The following TENT4A variants were observed in gnomAD, a reference collection of about 807,000 sequenced individuals.
The protein encoded by TENT4A is terminal nucleotidyltransferase 4A, also known as DNA polymerase kappa.
TENT4A carries 7 observed loss-of-function variants against 72.8 expected under a neutral mutation model. The observed-to-expected ratio is 0.10, with a 90% CI of 0.05 to 0.18. TENT4A has a LOEUF of 0.18. Among genes scored for constraint, TENT4A ranks in the 10% least tolerant of loss-of-function variants. The pLI is 1.00. For missense variants in TENT4A, 831 were observed against 1,017.7 expected, an observed-to-expected ratio of 0.82 and a Z score of 2.50; for synonymous variants, 456 against 434.3, an observed-to-expected ratio of 1.05 and a Z score of -0.62.
chr5:6,725,163 T>G (rs1450771251), intron 1 of TENT4A, among the ~76,000 whole-genome samples: 3 of 151,892 alleles, frequency 2.0e-5, no homozygotes, highest in African/African-American at 7.3e-5. Context: ...CTACTAAAAA[T>G]ACAAAAAATT....
chr5:6,747,057 T>A (rs548475575), intron 7 of TENT4A, among the ~76,000 whole-genome samples: 2 of 152,376 alleles, frequency 1.3e-5, no homozygotes, highest in East Asian at 3.9e-4. Context: ...GCCAATCTGA[T>A]AAAACCATGT....
In TENT4A at chr5:6,738,610, T is replaced by C. The variant is rs150808860; in HGVS notation, c.841-73T>C. The C allele has an allele frequency of 7.2e-5, 81 of 1,121,690 alleles. 1 individual carries two copies. In the East Asian group the frequency reaches 1.7e-3, roughly 24 times the overall value. The allele number at this position is 1,121,690 out of a possible 1,614,324, so 69.5% of individuals were successfully genotyped here. ...CCAAGGGTATAGTGAGGGCTTTCTT[T>C]TAGTAAGAAATAATGGTAGTGTGAC... is the stretch of plus-strand genomic sequence containing the variant. On this transcript the variant is annotated intron_variant, in intron 2 of 12. Transcript: ENST00000230859.
intron 7 of TENT4A, among the ~76,000 whole-genome samples, chr5:6,747,602 C>T (rs1412243878): frequency 1.3e-5 from 2 of 152,118 alleles, no homozygotes; most frequent in African/African-American, 4.8e-5. Context: ...CACGGTATGG[C>T]AGTGTATCAT....
intron 1 of TENT4A, among the ~76,000 whole-genome samples, chr5:6,726,495 CTCTG>C (rs1372190841): frequency 6.6e-6 from 1 of 152,140 alleles, no homozygotes; most frequent in Admixed American, 6.5e-5. Flanking sequence ...CTACAGTGTC[CTCTG>C]TCTGTGACTT....
At chr5:6,734,869 C>T (rs1318330258) in intron 1 of TENT4A, among the ~76,000 whole-genome samples, 2 of 152,214 alleles carry the variant, frequency 1.3e-5, no homozygotes, top group African/African-American at 4.8e-5. Flanking sequence ...AGACATTTGA[C>T]AAAAACGGAT....
At position 6,737,611 on chromosome 5, in the gene TENT4A, A is replaced by G. The variant is rs760201324; in HGVS notation, c.818A>G (p.Lys273Arg). ...GTGAAACGGATCGAAACTGTGGTGA[A>G]AGACCTTTGGCCGACGGCTGATGTG... ...EVVKRIETVVKDLWPTADVQI... is the reference protein window; with the variant it reads ...EVVKRIETVVRDLWPTADVQI... The change falls in exon 2 of 13, where the codon AAA becomes AGA. Residue 273 changes from lysine (K) to arginine (R), a missense_variant. Around this residue, in one of 3 missense-constraint regions of TENT4A, gnomAD observed 197 missense variants for 399.6 expected, o/e 0.49. Coordinates refer to ENST00000230859, the MANE Select transcript of TENT4A (RefSeq NM_006999.6). The G allele has an allele frequency of 5.6e-6, 9 of 1,614,032 alleles. No homozygotes were observed. The highest frequency in any genetic ancestry group is 1.3e-5 in the African/African-American group (1 of 74,942).
At chr5:6,718,443 C>G (rs1175024827) in intron 1 of TENT4A, among the ~76,000 whole-genome samples, 1 of 152,198 alleles carries the variant, frequency 6.6e-6, no homozygotes, top group Non-Finnish European at 1.5e-5. Context: ...AGGGGCCTTT[C>G]CCTCCCATAC....
chr5:6,752,231 G>A lies in TENT4A; in HGVS notation c.2020-642G>A, dbSNP rs1277784725. 2.6e-5 allele frequency among the ~76,000 whole-genome samples: 4 copies of A among 152,200 alleles called. 1 individual carries two copies. Among genetic ancestry groups the A allele is most frequent in the African/African-American group, 4.8e-5 (2 of 41,440 alleles). On this transcript the variant is annotated intron_variant, in intron 11 of 12. Transcript: ENST00000230859. ...GCTGAGCTACAGAGCCACACTCTGCGGCTGCTTGTGTGGTTCGAGTGTGAA... is the reference window on the plus strand; with the variant it reads ...GCTGAGCTACAGAGCCACACTCTGCAGCTGCTTGTGTGGTTCGAGTGTGAA...
Position 6,735,756 on chromosome 5 carries a change from TTA to T in TENT4A, c.717-1753_717-1752del, listed in dbSNP as rs1491256476. ...ACCATGCTTGGGGTGAGGTTTTTTC[TTA>T]CTTTTTTTTTTTTTTTTGGTGAGAC... On this transcript the variant is annotated intron_variant, in intron 1 of 12. Coordinates refer to ENST00000230859, the MANE Select transcript of TENT4A (RefSeq NM_006999.6). Among the ~76,000 whole-genome samples, 6 of 148,832 alleles carry T rather than the reference TTA, an allele frequency of 4.0e-5. 1 individual carries two copies. The East Asian group carries it at 1.2e-3, about 29-fold the overall frequency.
chr5:6,714,887 G>A (rs1195789093), intron 1 of TENT4A, 188 bp downstream of exon 1: 3 of 286,366 alleles, frequency 1.0e-5, no homozygotes, highest in Non-Finnish European at 1.9e-5. Context: ...GGAGTGACTT[G>A]CCCAGATCCT....
In TENT4A at chr5:6,746,436, G is replaced by C. The variant is rs375971367; in HGVS notation, c.1459+9G>C. 6.2e-7 allele frequency: 1 copy of C among 1,613,492 alleles called. No individual in the cohort carries two copies. The highest frequency in any genetic ancestry group is 8.5e-7 in the Non-Finnish European group (1 of 1,179,614). Reference sequence around the variant, plus strand: ...GGACCCCCTGCTGCCAGGTAAGGGCGCCCTGATCTCCACTGCTGAGAGCTG... The same window carrying C: ...GGACCCCCTGCTGCCAGGTAAGGGCCCCCTGATCTCCACTGCTGAGAGCTG... On this transcript the variant is annotated intron_variant, in intron 7 of 12. Transcript: ENST00000230859.
In TENT4A at chr5:6,750,313, G is replaced by C; in HGVS notation, c.1688-18G>C. 6.3e-7 allele frequency: 1 copy of C among 1,598,338 alleles called. No individual in the cohort carries two copies. The highest frequency in any genetic ancestry group is 1.1e-5 in the South Asian group (1 of 88,882). On this transcript the variant is annotated intron_variant, in intron 9 of 12. Transcript: ENST00000230859. ...GCAGTTCTCAGGAGTTATTAACCAA[G>C]GCTTTTTCCCTCCACAGACAGCAGG...
intron 1 of TENT4A, among the ~76,000 whole-genome samples, chr5:6,735,557 AC>A (rs2126629042): frequency 6.6e-6 from 1 of 152,288 alleles, no homozygotes; most frequent in Admixed American, 6.5e-5. Context: ...TTTAGGTAAC[AC>A]CTCAGACTTT....
chr5:6,728,515 T>C (rs983111810), intron 1 of TENT4A, among the ~76,000 whole-genome samples: 2 of 152,194 alleles, frequency 1.3e-5, no homozygotes, highest in Non-Finnish European at 2.9e-5. Flanking sequence ...GGCCTTGCCT[T>C]TGGCAGGGCA....
chr5:6,737,805 C>T (rs954933988), intron 2 of TENT4A, among the ~76,000 whole-genome samples, 172 bp downstream of exon 2: 4 of 152,318 alleles, frequency 2.6e-5, no homozygotes, highest in East Asian at 1.9e-4. Context: ...GCATGGCCCC[C>T]GGCGCACCTG....
At chr5:6,749,779 A>G (rs1742296780) in intron 9 of TENT4A, 122 bp downstream of exon 9, 2 of 675,644 alleles carry the variant, frequency 3.0e-6, no homozygotes, top group African/African-American at 1.8e-5. Context: ...TCTGATGAGC[A>G]TTAATTAAGA....
intron 1 of TENT4A, among the ~76,000 whole-genome samples, chr5:6,724,960 G>A (rs193295318): frequency 2.4e-4 from 36 of 152,318 alleles, no homozygotes; most frequent in African/African-American, 8.2e-4. Context: ...GTCTCACTCC[G>A]TAGCCTGTCT....
At chr5:6,744,756 C>G (rs191760782) in intron 6 of TENT4A, among the ~76,000 whole-genome samples, 1 of 152,222 alleles carries the variant, frequency 6.6e-6, no homozygotes, top group African/African-American at 2.4e-5. Context: ...TCACTTTCCC[C>G]TCTGAGATGT....
At chr5:6,743,956 A>G (rs368711363) in intron 6 of TENT4A, 116 bp downstream of exon 6, 10 of 902,130 alleles carry the variant, frequency 1.1e-5, no homozygotes, top group East Asian at 2.5e-5. Flanking sequence ...TATTGTTTCA[A>G]TTTGGTAGAG....
Sources: gnomAD v4.1 joint callset for allele counts (sites outside exome capture counted in the v4.1 genomes callset) on GRCh38, gnomAD v4.1.1 for gene constraint, gnomAD v4.1.1 regional missense constraint, MANE v1.5 for transcripts, NCBI Gene and HGNC (gene_info 2026-07-23, HGNC 2026-07-21) for gene names.